The following KIF6 variants were observed in gnomAD, a reference collection of about 807,000 sequenced individuals.
The protein encoded by KIF6 is kinesin family member 6.
A neutral mutation model predicts 112.7 loss-of-function variants in KIF6; 106 were observed. That is an observed-to-expected ratio of 0.94 (90% CI 0.80 to 1.11). The LOEUF (loss-of-function observed/expected upper bound fraction) is 1.11. Among genes scored for constraint, KIF6 ranks in the 50% least tolerant of loss-of-function variants. The pLI is 0.00. For missense variants in KIF6, 929 were observed against 964.0 expected, an observed-to-expected ratio of 0.96 and a Z score of 0.48; for synonymous variants, 339 against 339.9, an observed-to-expected ratio of 1.00 and a Z score of 0.03.
At chr6:39,374,591 A>G (rs1438277767) in intron 16 of KIF6, among the ~76,000 whole-genome samples, 1 of 152,264 alleles carries the variant, frequency 6.6e-6, no homozygotes, top group African/African-American at 2.4e-5. Flanking sequence ...TTCTCTAATG[A>G]AGACAAACAA....
At chr6:39,683,820 A>G (rs1787673814) in intron 3 of KIF6, among the ~76,000 whole-genome samples, 1 of 152,170 alleles carries the variant, frequency 6.6e-6, no homozygotes, top group African/African-American at 2.4e-5. Context: ...GATGTACAAG[A>G]GAGATATAAA....
chr6:39,608,213 G>C (rs1783000276), intron 6 of KIF6, among the ~76,000 whole-genome samples: 2 of 152,124 alleles, frequency 1.3e-5, no homozygotes. Context: ...GATAAATCTA[G>C]TACACATGCT....
Position 39,525,857 on chromosome 6 carries a change from T to C in KIF6, c.1645+14146A>G, listed in dbSNP as rs542413342. On this transcript the variant is annotated intron_variant, in intron 13 of 22. Coordinates refer to ENST00000287152, the MANE Select transcript of KIF6 (RefSeq NM_145027.6). ...AATAAATAAATAAATAAAGCCTTTT[T>C]CCCCAACCTCAGGGCAAACTGAGAA... 2.9e-4 allele frequency among the ~76,000 whole-genome samples: 44 copies of C among 151,570 alleles called. No individual in the cohort carries two copies. In the South Asian group the frequency reaches 8.1e-3, roughly 28 times the overall value.
chr6:39,495,182 C>T (rs1402833830), intron 13 of KIF6, among the ~76,000 whole-genome samples: 2 of 152,156 alleles, frequency 1.3e-5, no homozygotes, highest in East Asian at 1.9e-4. Context: ...CCTTGTTCTG[C>T]TAAGGCACTG....
chr6:39,620,788 A>T (rs1409263382), intron 5 of KIF6, among the ~76,000 whole-genome samples: 1 of 114,632 alleles, frequency 8.7e-6, no homozygotes, highest in African/African-American at 3.5e-5. Context: ...ATTTATTTTG[A>T]GGCAGAGTCT....
At chr6:39,408,860 C>T (rs1242623125) in intron 15 of KIF6, among the ~76,000 whole-genome samples, 1 of 151,978 alleles carries the variant, frequency 6.6e-6, no homozygotes, top group East Asian at 1.9e-4. Flanking sequence ...CAAAACCCAC[C>T]ACCCCAATGA....
chr6:39,679,614 C>CTTTTTTTTTT (rs55936243), intron 3 of KIF6, among the ~76,000 whole-genome samples: 4 of 106,500 alleles, frequency 3.8e-5, no homozygotes, highest in African/African-American at 1.0e-4. Flanking sequence ...CTTTTCTTTT[C>CTTTTTTTTTT]TTTTTTTTTT....
At chr6:39,352,312 A>G (rs9471080) in intron 19 of KIF6, among the ~76,000 whole-genome samples, 22,417 of 152,142 alleles carry the variant, frequency 0.15, 1,965 homozygotes, top group East Asian at 0.36. Context: ...GCAGGGGTTC[A>G]CTCTTTGTGC....
chr6:39,663,732 A>G (rs1786296218), intron 3 of KIF6, among the ~76,000 whole-genome samples: 1 of 152,156 alleles, frequency 6.6e-6, no homozygotes, highest in African/African-American at 2.4e-5. Context: ...AAAAAAATAG[A>G]TAAATCTAAA....
intron 5 of KIF6, among the ~76,000 whole-genome samples, chr6:39,620,863 G>A (rs965234701): frequency 6.6e-6 from 1 of 151,974 alleles, no homozygotes; most frequent in African/African-American, 2.4e-5. Context: ...CCACCTCCTG[G>A]GTTCAAGCGA....
chr6:39,356,388 C>A (rs1218522505), intron 19 of KIF6, among the ~76,000 whole-genome samples: 1 of 152,092 alleles, frequency 6.6e-6, no homozygotes, highest in Non-Finnish European at 1.5e-5. Flanking sequence ...GCCTCAGCCC[C>A]CCAAGTAGCT....
chr6:39,535,313 A>G (rs1221309892), intron 13 of KIF6, among the ~76,000 whole-genome samples: 1 of 152,178 alleles, frequency 6.6e-6, no homozygotes, highest in Non-Finnish European at 1.5e-5. Context: ...GTATTCAGGA[A>G]ACCCATCTCA....
At chr6:39,448,428 T>C (rs1772471356) in intron 13 of KIF6, among the ~76,000 whole-genome samples, 1 of 152,038 alleles carries the variant, frequency 6.6e-6, no homozygotes, top group Non-Finnish European at 1.5e-5. Context: ...ACCCGCCTCA[T>C]CCTCCCAAGG....
intron 13 of KIF6, among the ~76,000 whole-genome samples, chr6:39,525,845 A>G (rs1320708453): frequency 2.7e-5 from 4 of 147,502 alleles, no homozygotes; most frequent in Admixed American, 1.4e-4. Flanking sequence ...AAATAAATAA[A>G]TAAAGCCTTT....
chr6:39,374,617 A>G (rs898241432), intron 16 of KIF6, among the ~76,000 whole-genome samples: 1 of 152,246 alleles, frequency 6.6e-6, no homozygotes, highest in African/African-American at 2.4e-5. Flanking sequence ...CAACAGGTTC[A>G]TAAGAAAATG....
intron 15 of KIF6, among the ~76,000 whole-genome samples, chr6:39,404,378 T>C (rs1768931552): frequency 6.6e-6 from 1 of 151,950 alleles, no homozygotes; most frequent in Admixed American, 6.6e-5. Context: ...TTCTTCTTTT[T>C]TCCTTCAGTA....
intron 13 of KIF6, among the ~76,000 whole-genome samples, chr6:39,497,853 T>G (rs1237463541): frequency 6.6e-6 from 1 of 152,204 alleles, no homozygotes; most frequent in African/African-American, 2.4e-5. Context: ...TAAGTGAACA[T>G]CTAACAAACA....
chr6:39,464,185 G>A (rs1773654889), intron 13 of KIF6, among the ~76,000 whole-genome samples: 1 of 152,178 alleles, frequency 6.6e-6, no homozygotes, highest in South Asian at 2.1e-4. Context: ...CACTGAAAGG[G>A]AGGCATGAGG....
chr6:39,435,861 T>C (rs1408124119), intron 13 of KIF6, among the ~76,000 whole-genome samples: 1 of 152,208 alleles, frequency 6.6e-6, no homozygotes, highest in Non-Finnish European at 1.5e-5. Context: ...TGACTTGTTT[T>C]CCTTTGGGGA....
Sources: allele counts gnomAD v4.1 joint callset (sites outside exome capture counted in the v4.1 genomes callset), GRCh38; gene constraint gnomAD v4.1.1; transcripts MANE v1.5; gene names NCBI Gene and HGNC (gene_info 2026-07-23, HGNC 2026-07-21).